Variants in RBMS3 observed in about 807,000 individuals in gnomAD.
RBMS3 encodes RNA-binding motif, single-stranded-interacting protein 3.
RBMS3 carries 27 observed loss-of-function variants against 66.8 expected under a neutral mutation model. That is an observed-to-expected ratio of 0.40 (90% confidence interval 0.30 to 0.56). The LOEUF is 0.56. Ranked by LOEUF, RBMS3 falls within the 20% of genes least tolerant of loss-of-function variation. The pLI is 0.40. For missense variants in RBMS3, 513 were observed against 549.5 expected (o/e 0.93, Z 0.66); for synonymous variants, 188 against 183.0 (o/e 1.03, Z -0.22).
chr3:29,504,724 T>C (rs1277210700), intron 3 of RBMS3, among the ~76,000 whole-genome samples: 2 of 151,968 alleles, frequency 1.3e-5, no homozygotes, highest in African/African-American at 4.8e-5. Context: ...TGTGCAAGGA[T>C]TCCCTTTTCT....
chr3:29,936,484 T>C (rs919607193), intron 11 of RBMS3, among the ~76,000 whole-genome samples: 1 of 152,070 alleles, frequency 6.6e-6, no homozygotes, highest in Non-Finnish European at 1.5e-5. Context: ...GTCCTTTTTG[T>C]ATGCACCTGC....
intron 3 of RBMS3, among the ~76,000 whole-genome samples, chr3:29,583,597 T>C (rs1297889875): frequency 6.6e-6 from 1 of 152,180 alleles, no homozygotes; most frequent in Non-Finnish European, 1.5e-5. Context: ...CTCTTTTTTC[T>C]TCCAGGTACA....
At chr3:29,387,189 G>T (rs2039048417) in intron 1 of RBMS3, among the ~76,000 whole-genome samples, 1 of 151,992 alleles carries the variant, frequency 6.6e-6, no homozygotes, top group Admixed American at 6.5e-5. Context: ...CCTCAAATTT[G>T]TATCACTATG....
At chr3:29,567,478 G>A (rs1173014234) in intron 3 of RBMS3, among the ~76,000 whole-genome samples, 1 of 152,138 alleles carries the variant, frequency 6.6e-6, no homozygotes, top group African/African-American at 2.4e-5. Flanking sequence ...ACGCTATACA[G>A]ACCCTCTGCA....
intron 4 of RBMS3, among the ~76,000 whole-genome samples, chr3:29,635,633 C>T (rs941905187): frequency 6.6e-6 from 1 of 151,816 alleles, no homozygotes; most frequent in Non-Finnish European, 1.5e-5. Context: ...TGTTGGGTCA[C>T]AGATCATGGC....
In RBMS3 at chr3:29,632,349, G is replaced by A. The variant is rs145029092; in HGVS notation, c.399+45144G>A. 1.8e-3 allele frequency among the ~76,000 whole-genome samples: 277 copies of A among 151,960 alleles called. 2 individuals are homozygous for A. The highest frequency in any genetic ancestry group is 5.2e-3 in the African/African-American group (216 of 41,480). On this transcript the variant is annotated intron_variant, in intron 4 of 14. Coordinates refer to ENST00000383767, the MANE Select transcript of RBMS3 (RefSeq NM_001003793.3). ...CATTTTTCAACTTTAACAGTCCTAG[G>A]GGGAGAAGAGAGTAGGAGAACTGGG...
chr3:29,962,711 C>T (rs1409012920), intron 12 of RBMS3, among the ~76,000 whole-genome samples: 2 of 151,944 alleles, frequency 1.3e-5, no homozygotes, highest in Non-Finnish European at 2.9e-5. Flanking sequence ...TATTAAGACT[C>T]TTTTCATAAC....
intron 6 of RBMS3, among the ~76,000 whole-genome samples, chr3:29,784,131 C>A (rs2056736017): frequency 6.6e-6 from 1 of 152,042 alleles, no homozygotes; most frequent in Non-Finnish European, 1.5e-5. Flanking sequence ...CAGCACTAGA[C>A]AGGTCATCAA....
chr3:29,657,847 A>G (rs1444112368), intron 4 of RBMS3, among the ~76,000 whole-genome samples: 2 of 152,216 alleles, frequency 1.3e-5, no homozygotes, highest in African/African-American at 4.8e-5. Context: ...ACATTCACCC[A>G]AACTGTTACT....
At chr3:29,392,729 A>G (rs1319269580) in intron 1 of RBMS3, among the ~76,000 whole-genome samples, 3 of 152,180 alleles carry the variant, frequency 2.0e-5, no homozygotes, top group Non-Finnish European at 2.9e-5. Context: ...ACACACAGAC[A>G]CACAAACACA....
chr3:29,994,352 G>T (rs971507317), intron 14 of RBMS3, among the ~76,000 whole-genome samples: 1 of 151,748 alleles, frequency 6.6e-6, no homozygotes, highest in Admixed American at 6.6e-5. Context: ...GAGGCTGGGG[G>T]AGGGGCACCC....
chr3:29,726,337 T>C (rs1470666768), intron 4 of RBMS3, among the ~76,000 whole-genome samples: 3 of 152,084 alleles, frequency 2.0e-5, no homozygotes, highest in Non-Finnish European at 4.4e-5. Context: ...CTATTCAGCA[T>C]AGTATTGGAA....
At chr3:29,534,168 G>A (rs929656506) in intron 3 of RBMS3, among the ~76,000 whole-genome samples, 1 of 152,178 alleles carries the variant, frequency 6.6e-6, no homozygotes, top group African/African-American at 2.4e-5. Context: ...GTTTCTGAAG[G>A]ATATAGTCTT....
In RBMS3 at chr3:29,488,263, C is replaced by T. The variant is rs547619488; in HGVS notation, c.249-178C>T. ...CATTGCTTACATAGGGAAGAACATT[C>T]CTAAGTTATAAAGAAGAACTGGTGA... On this transcript the variant is annotated intron_variant, in intron 2 of 14. Transcript: ENST00000383767. Among the ~76,000 whole-genome samples, 5 of 152,230 alleles carry T rather than the reference C, an allele frequency of 3.3e-5. No individual in the cohort carries two copies. The South Asian group carries it at 1.0e-3, about 32-fold the overall frequency.
chr3:29,534,949 A>AC (rs1397710216), intron 3 of RBMS3, among the ~76,000 whole-genome samples: 1 of 135,152 alleles, frequency 7.4e-6, no homozygotes, highest in Non-Finnish European at 1.7e-5. Context: ...TTGAGAAAAG[A>AC]AAAAAAAAAC....
intron 1 of RBMS3, among the ~76,000 whole-genome samples, chr3:29,300,647 A>C (rs1559471159): frequency 6.6e-6 from 1 of 152,028 alleles, no homozygotes; most frequent in Non-Finnish European, 1.5e-5. Flanking sequence ...AAATATAGGA[A>C]AAGTTTTGCG....
intron 3 of RBMS3, among the ~76,000 whole-genome samples, chr3:29,552,767 A>C (rs765350083): frequency 6.6e-6 from 1 of 152,210 alleles, no homozygotes; most frequent in African/African-American, 2.4e-5. Flanking sequence ...GAAATGGTGA[A>C]CACAAAATAT....
chr3:29,375,510 GA>G (rs979049798), intron 1 of RBMS3, among the ~76,000 whole-genome samples: 5 of 151,942 alleles, frequency 3.3e-5, no homozygotes, highest in Non-Finnish European at 5.9e-5. Context: ...TTTCCAAGAA[GA>G]AAACAAATAA....
chr3:29,941,857 A>G (rs552295351), intron 11 of RBMS3, among the ~76,000 whole-genome samples: 1 of 151,942 alleles, frequency 6.6e-6, no homozygotes, highest in African/African-American at 2.4e-5. Flanking sequence ...AAGCTATCAA[A>G]ATGCAGTACA....
Sources: gnomAD v4.1 joint callset for allele counts (sites outside exome capture counted in the v4.1 genomes callset) on GRCh38, gnomAD v4.1.1 for gene constraint, MANE v1.5 for transcripts, NCBI Gene and HGNC (gene_info 2026-07-23, HGNC 2026-07-21) for gene names.